PLVAP: variants seen among roughly 807,000 people sequenced by gnomAD.
The protein encoded by PLVAP is plasmalemma vesicle associated protein.
A neutral mutation model predicts 43.1 loss-of-function variants in PLVAP; 34 were observed. The observed-to-expected ratio is 0.79, with a 90% CI of 0.60 to 1.05. The LOEUF (loss-of-function observed/expected upper bound fraction) is 1.05. Among genes scored for constraint, PLVAP ranks in the 50% least tolerant of loss-of-function variants. The probability of loss-of-function intolerance (pLI) is 0.00; values close to 1 mark genes in which losing one functional copy is unlikely to be tolerated. For missense variants in PLVAP, 574 were observed against 593.4 expected (o/e 0.97, Z 0.34); for synonymous variants, 241 against 237.3 (o/e 1.02, Z -0.14).
chr19:17,376,896 C>T (rs1657672594), intron 1 of PLVAP, 24 bp downstream of exon 1: 10 of 1,595,812 alleles, frequency 6.3e-6, no homozygotes, highest in South Asian at 3.4e-5. Context: ...GTCCCCAGGG[C>T]GAGTGTCCTG....
chr19:17,364,568 A>G (rs1203038844), intron 3 of PLVAP, among the ~76,000 whole-genome samples: 3 of 152,070 alleles, frequency 2.0e-5, no homozygotes, highest in Non-Finnish European at 4.4e-5. Context: ...CCTAATGCCA[A>G]TAAACTTCTC....
chr19:17,355,528 A>ATT (rs1568372721), intron 5 of PLVAP, among the ~76,000 whole-genome samples: 1 of 115,784 alleles, frequency 8.6e-6, no homozygotes, highest in African/African-American at 4.6e-5. Flanking sequence ...ATGCCTGGTT[A>ATT]ATTTTTTTTT....
At position 17,365,392 on chromosome 19, in the gene PLVAP, C is replaced by A. The variant is rs146532352; in HGVS notation, c.1073G>T (p.Arg358Leu). 8 of 1,613,116 alleles carry A rather than the reference C, an allele frequency of 5.0e-6. No individual in the cohort carries two copies. The highest frequency in any genetic ancestry group is 6.8e-6 in the Non-Finnish European group (8 of 1,179,994). Residue 358 changes from arginine (R) to leucine (L), a missense_variant, in exon 3 of 6, where the codon CGA becomes CTA. By Grantham distance (102) the Arg-to-Leu change is moderately radical. Coordinates refer to ENST00000252590, the MANE Select transcript of PLVAP (RefSeq NM_031310.3). The part of the protein sequence containing the change: ...LEEKAVLRKE[R>L]DNLAKELEEK... ...TTCCAGCTCCTTGGCCAGGTTGTCT[C>A]GTTCCTTCCGCAGCACCGCCTTCTC...
intron 5 of PLVAP, 35 bp from the exon 6 acceptor site, chr19:17,352,403 G>A (rs779435793): frequency 1.9e-6 from 3 of 1,610,330 alleles, no homozygotes; most frequent in Non-Finnish European, 1.7e-6. Context: ...ACAACAGAGT[G>A]TCAGACAGAG....
intron 1 of PLVAP, among the ~76,000 whole-genome samples, chr19:17,373,884 A>T (rs900492552): frequency 1.3e-5 from 2 of 152,142 alleles, no homozygotes; most frequent in African/African-American, 4.8e-5. Flanking sequence ...TCTGCTGCCC[A>T]GGCGCAATGG....
At chr19:17,367,213 A>AT (rs1290335637) in intron 1 of PLVAP, among the ~76,000 whole-genome samples, 1 of 150,248 alleles carries the variant, frequency 6.7e-6, no homozygotes, top group South Asian at 2.1e-4. Flanking sequence ...CCAGCCCTGA[A>AT]TTTTTTTGTT....
Position 17,365,955 on chromosome 19 carries a change from C to T in PLVAP, c.510G>A (p.Val170=), listed in dbSNP as rs1362698197. The T allele has an allele frequency of 1.9e-6, 3 of 1,614,050 alleles. No homozygotes were observed. Among genetic ancestry groups the T allele is most frequent in the East Asian group, 4.5e-5 (2 of 44,876 alleles). The change falls in exon 3 of 6, where the codon GTG becomes GTA. Residue 170 remains valine (V), a synonymous_variant. Transcript: ENST00000252590. Reference sequence around the variant, plus strand: ...AAATGGTCTTCTCCTTGGCTATCTCCACCTCCAGCGTCTTCACCTTCTGAT... The same window carrying T: ...AAATGGTCTTCTCCTTGGCTATCTCTACCTCCAGCGTCTTCACCTTCTGAT... The part of the protein sequence containing the change: ...MLNQKVKTLE[V]EIAKEKTICT...
intron 5 of PLVAP, among the ~76,000 whole-genome samples, chr19:17,357,524 C>T (rs921607282): frequency 6.6e-6 from 1 of 151,702 alleles, no homozygotes; most frequent in Admixed American, 6.6e-5. Flanking sequence ...TTTAGCTAGG[C>T]ATGGTGGAGT....
chr19:17,363,382 G>C (rs1057370131), intron 3 of PLVAP, among the ~76,000 whole-genome samples: 2 of 152,112 alleles, frequency 1.3e-5, no homozygotes, highest in African/African-American at 4.8e-5. Context: ...GGCCAGGCTG[G>C]TCTCGAACTC....
At chr19:17,362,807 C>T (rs1263793543) in intron 3 of PLVAP, 2 of 152,182 alleles carry the variant, frequency 1.3e-5, no homozygotes, top group Non-Finnish European at 2.9e-5. Context: ...AAATCCTAAC[C>T]TTAACTCAAA....
chr19:17,372,095 A>AG (rs1444234955), intron 1 of PLVAP, among the ~76,000 whole-genome samples: 2 of 151,592 alleles, frequency 1.3e-5, no homozygotes, highest in Non-Finnish European at 2.9e-5. Flanking sequence ...AAAAAAAAAA[A>AG]AAAAAAAGGA....
At chr19:17,355,225 AAATAAT>A (rs150379358) in intron 5 of PLVAP, among the ~76,000 whole-genome samples, 19,406 of 139,442 alleles carry the variant, frequency 0.14, 1,914 homozygotes, top group African/African-American at 0.29. Context: ...CTCCATCTCA[AAATAAT>A]AATAATAATA....
At chr19:17,354,948 T>G (rs1283284340) in intron 5 of PLVAP, among the ~76,000 whole-genome samples, 4 of 149,226 alleles carry the variant, frequency 2.7e-5, no homozygotes. Context: ...CTTGGCCAGG[T>G]GTGGTGGCCC....
intron 5 of PLVAP, among the ~76,000 whole-genome samples, chr19:17,353,840 T>C (rs2145716464): frequency 6.6e-6 from 1 of 152,368 alleles, no homozygotes; most frequent in East Asian, 1.9e-4. Flanking sequence ...AGCGGGTTTC[T>C]GTGCCTTGTT....
intron 5 of PLVAP, among the ~76,000 whole-genome samples, chr19:17,357,397 A>G (rs2074510741): frequency 6.6e-6 from 1 of 151,560 alleles, no homozygotes; most frequent in African/African-American, 2.4e-5. Flanking sequence ...AGGTGCATCT[A>G]AAATTCTAGT....
intron 3 of PLVAP, among the ~76,000 whole-genome samples, chr19:17,361,386 C>A (rs1209933566): frequency 5.9e-5 from 9 of 152,144 alleles, no homozygotes; most frequent in Admixed American, 5.9e-4. Context: ...GGACTGATCA[C>A]CTCGGCAGTC....
rs1568375220 is a variant in PLVAP, at chr19:17,365,367, T to C, written c.1098A>G (p.Glu366=). 1 of 1,613,450 alleles carries C rather than the reference T, an allele frequency of 6.2e-7. No homozygotes were observed. Among genetic ancestry groups the C allele is most frequent in the Admixed American group, 1.7e-5 (1 of 60,022 alleles). ...GCTGCTCCGCCTCCCTCTTCTTCTC[T>C]TCCAGCTCCTTGGCCAGGTTGTCTC... ...KERDNLAKEL[E]EKKREAEQLR... is the part of the protein sequence containing the mutation. Residue 366 remains glutamate, a synonymous_variant, in exon 3 of 6, where the codon GAA becomes GAG. Transcript: ENST00000252590.
chr19:17,368,749 G>A (rs549008348), intron 1 of PLVAP, among the ~76,000 whole-genome samples: 2 of 152,180 alleles, frequency 1.3e-5, no homozygotes, highest in South Asian at 2.1e-4. Context: ...AGGCCAAGGC[G>A]GGTGGATCAC....
chr19:17,360,496 A>G (rs377546135), intron 5 of PLVAP, 32 bp downstream of exon 5: 1 of 1,600,070 alleles, frequency 6.2e-7, no homozygotes, highest in Non-Finnish European at 8.6e-7. Flanking sequence ...CAGTTCTAAG[A>G]CTGAACAACT....
Sources: allele counts gnomAD v4.1 joint callset (sites outside exome capture counted in the v4.1 genomes callset), GRCh38; gene constraint gnomAD v4.1.1; transcripts MANE v1.5; gene names NCBI Gene and HGNC (gene_info 2026-07-23, HGNC 2026-07-21).